The following CELF2 variants were observed in gnomAD, a reference collection of about 807,000 sequenced individuals.
The protein encoded by CELF2 is CUG triplet repeat RNA-binding protein 2.
Under a neutral mutation model 62.6 loss-of-function variants are expected in CELF2, and 8 were observed. The observed-to-expected ratio is 0.13, with a 90% CI of 0.07 to 0.23. The LOEUF (loss-of-function observed/expected upper bound fraction) is 0.23, where lower values mean the gene tolerates loss of function less well. CELF2 is among the 10% of genes least tolerant of loss of function. The pLI is 1.00. For missense variants in CELF2, 333 were observed against 671.0 expected (o/e 0.50, Z 5.56); for synonymous variants, 258 against 250.0 (o/e 1.03, Z -0.30).
chr10:10,750,835 A>C, the CELF2 span, among the ~76,000 whole-genome samples: 1 of 152,200 alleles, frequency 6.6e-6, no homozygotes, highest in African/African-American at 2.4e-5. Context: ...CTTGAAACTC[A>C]AGTGGTGAGA....
chr10:10,963,119 C>A (rs1289848079), intron 2 of CELF2, among the ~76,000 whole-genome samples: 1 of 152,108 alleles, frequency 6.6e-6, no homozygotes, highest in Non-Finnish European at 1.5e-5. Flanking sequence ...CGGCTCACTG[C>A]AGCCTTCGCC....
Position 11,332,089 on chromosome 10 carries a change from G to GAAAAGAATTCC in CELF2, c.*3037_*3047dup, listed in dbSNP as rs2096036273. On this transcript the variant is annotated 3_prime_UTR_variant, in exon 13 of 13. Coordinates refer to ENST00000633077, the MANE Select transcript of CELF2 (RefSeq NM_001326342.2). Reference sequence around the variant, plus strand: ...ACTTTTGATTATTTCTCATTTTTGGGAAAAGAATTCCTAATGTGCTACTAG... The same window carrying GAAAAGAATTCC: ...ACTTTTGATTATTTCTCATTTTTGGGAAAAGAATTCCAAAAGAATTCCTAATGTGCTACTAG... 6.7e-6 allele frequency: 1 copy of GAAAAGAATTCC among 149,726 alleles called. No individual in the cohort carries two copies. Among genetic ancestry groups the GAAAAGAATTCC allele is most frequent in the African/African-American group, 2.6e-5 (1 of 39,156 alleles). 9.3% of individuals were successfully genotyped at this position (149,726 alleles called of 1,614,324 possible). A position where few individuals can be genotyped will look rare whatever the true frequency, so the allele number is the denominator to read the frequency against.
At chr10:10,530,906 T>G in the CELF2 span, among the ~76,000 whole-genome samples, 1 of 152,128 alleles carries the variant, frequency 6.6e-6, no homozygotes, top group Non-Finnish European at 1.5e-5. Flanking sequence ...TACATAGGCG[T>G]AAACCAGAGG....
In CELF2 at chr10:11,005,520, T is replaced by G; in HGVS notation, c.53+80T>G. On this transcript the variant is annotated intron_variant, in intron 1 of 12. Coordinates refer to the CELF2 transcript ENST00000416382. This position sits in a 1 kb window ranked among gnomAD's most constrained non-coding sequence, Gnocchi z 4.3. ...GCTGAGACAATAATTATGCTCTGAA[T>G]CAAGTAGCTTCCTTACCTTAGAAGA... The G allele has an allele frequency of 6.2e-7, 1 of 1,604,258 alleles. No individual in the cohort carries two copies. The highest frequency in any genetic ancestry group is 8.5e-7 in the Non-Finnish European group (1 of 1,171,722).
At chr10:10,869,261 C>A (rs1280338268) in intron 1 of CELF2, among the ~76,000 whole-genome samples, 1 of 152,008 alleles carries the variant, frequency 6.6e-6, no homozygotes, top group Non-Finnish European at 1.5e-5. Context: ...TGAATAATAC[C>A]TCTTAGAAAC....
chr10:11,005,449 T>C lies in CELF2; in HGVS notation c.53+9T>C. 1 of 1,613,926 alleles carries C rather than the reference T, an allele frequency of 6.2e-7. No homozygotes were observed. The highest frequency in any genetic ancestry group is 8.5e-7 in the Non-Finnish European group (1 of 1,179,838). On this transcript the variant is annotated intron_variant, in intron 1 of 12. Transcript: ENST00000416382. The surrounding 1 kb of genome is among the most constrained non-coding windows in gnomAD (Gnocchi z 4.3). ...GAAGAGCTGCTTTTAAGGTATGTTGTTGTGTCCTTTGTTTTTAATGCACGC... is the reference window on the plus strand; with the variant it reads ...GAAGAGCTGCTTTTAAGGTATGTTGCTGTGTCCTTTGTTTTTAATGCACGC...
At chr10:10,621,989 A>C in the CELF2 span, among the ~76,000 whole-genome samples, 2 of 152,232 alleles carry the variant, frequency 1.3e-5, no homozygotes, top group Non-Finnish European at 2.9e-5. Context: ...GAGCCTTGAG[A>C]ATATTTGGAT....
chr10:11,296,057 C>T lies in CELF2; in HGVS notation c.976+7505C>T, dbSNP rs749185961. ...TATTTACGGTTCACCACAGAGCCCA[C>T]GCTGGGATTTATGCAAGTAGATTCC... On this transcript the variant is annotated intron_variant, in intron 9 of 12. Coordinates refer to ENST00000633077, the MANE Select transcript of CELF2 (RefSeq NM_001326342.2). The surrounding 1 kb of genome is among the most constrained non-coding windows in gnomAD (Gnocchi z 5.0). 5.9e-5 allele frequency among the ~76,000 whole-genome samples: 9 copies of T among 152,190 alleles called. No homozygotes were observed. The highest frequency in any genetic ancestry group is 1.7e-4 in the African/African-American group (7 of 41,446).
chr10:11,221,638 A>G (rs1322167039), intron 3 of CELF2, among the ~76,000 whole-genome samples: 1 of 152,242 alleles, frequency 6.6e-6, no homozygotes, highest in African/African-American at 2.4e-5. Flanking sequence ...TAAGGATGTA[A>G]TAACAGAGAG....
At chr10:10,493,636 A>G in the CELF2 span, among the ~76,000 whole-genome samples, 1 of 151,878 alleles carries the variant, frequency 6.6e-6, no homozygotes, top group South Asian at 2.1e-4. Flanking sequence ...GATTCAAGCA[A>G]TTCTCCCACC....
chr10:10,920,051 G>A (rs1017705443), intron 2 of CELF2: 2 of 1,159,022 alleles, frequency 1.7e-6, no homozygotes, highest in African/African-American at 3.2e-5. Context: ...TATCCACAAA[G>A]AGAAGTACTG....
At chr10:10,696,763 T>A in the CELF2 span, among the ~76,000 whole-genome samples, 3 of 152,152 alleles carry the variant, frequency 2.0e-5, no homozygotes, top group Non-Finnish European at 4.4e-5. Flanking sequence ...GTGACTCGAT[T>A]TTCCAGGTGC....
the CELF2 span, among the ~76,000 whole-genome samples, chr10:10,751,456 T>C: frequency 6.6e-6 from 1 of 152,196 alleles, no homozygotes; most frequent in African/African-American, 2.4e-5. Context: ...GATAACTCCT[T>C]AAGGGGCAAA....
chr10:11,277,512 A>G (rs2139026244), intron 8 of CELF2, among the ~76,000 whole-genome samples: 1 of 152,202 alleles, frequency 6.6e-6, no homozygotes, highest in East Asian at 1.9e-4. Flanking sequence ...CTCAGCTCTC[A>G]CCCCTCTAAG....
At chr10:10,539,039 C>T in the CELF2 span, among the ~76,000 whole-genome samples, 4 of 152,340 alleles carry the variant, frequency 2.6e-5, no homozygotes, top group East Asian at 7.7e-4. Flanking sequence ...ACAGAAGAAA[C>T]ATCCAGATGC....
intron 1 of CELF2, among the ~76,000 whole-genome samples, chr10:11,091,377 T>G (rs1564698629): frequency 6.6e-6 from 1 of 152,180 alleles, no homozygotes; most frequent in Admixed American, 6.5e-5. Flanking sequence ...CATGGCCTCT[T>G]TTACAGAAGT....
the CELF2 span, among the ~76,000 whole-genome samples, chr10:10,742,034 C>G: frequency 6.6e-6 from 1 of 152,136 alleles, no homozygotes; most frequent in South Asian, 2.1e-4. Context: ...TATGTATTAT[C>G]TAATACTACC....
chr10:11,295,384 AAAC>A (rs1425896550), intron 9 of CELF2, among the ~76,000 whole-genome samples: 2 of 152,236 alleles, frequency 1.3e-5, no homozygotes, highest in Non-Finnish European at 1.5e-5. Context: ...ACCATGGTAA[AAAC>A]AATTTGAATA....
At chr10:10,880,875 G>A (rs1409906427) in intron 1 of CELF2, among the ~76,000 whole-genome samples, 1 of 152,140 alleles carries the variant, frequency 6.6e-6, no homozygotes, top group Admixed American at 6.5e-5. Flanking sequence ...TTCCAGTGAT[G>A]AGGAAGGTAT....
Sources: allele counts gnomAD v4.1 joint callset (sites outside exome capture counted in the v4.1 genomes callset), GRCh38; gene constraint gnomAD v4.1.1; non-coding constraint Gnocchi (gnomAD v3.1); transcripts MANE v1.5; gene names NCBI Gene and HGNC (gene_info 2026-07-23, HGNC 2026-07-21).